ASTN2: variants seen among roughly 807,000 people sequenced by gnomAD.
The protein encoded by ASTN2 is astrotactin-2.
In ASTN2, 54 loss-of-function variants were observed where a neutral mutation model predicts 139.8. The observed-to-expected ratio is 0.39, with a 90% CI of 0.31 to 0.48. The LOEUF (loss-of-function observed/expected upper bound fraction) is 0.48, where lower values mean the gene tolerates loss of function less well. ASTN2 is among the 20% of genes least tolerant of loss of function. The probability of loss-of-function intolerance (pLI) is 0.95; values close to 1 mark genes in which losing one functional copy is unlikely to be tolerated. For missense variants in ASTN2, 1,565 were observed against 1,725.1 expected (o/e 0.91, Z 1.64); for synonymous variants, 756 against 719.5 (o/e 1.05, Z -0.81).
intron 3 of ASTN2, among the ~76,000 whole-genome samples, chr9:117,146,364 T>C (rs73657677): frequency 0.026 from 3,850 of 150,216 alleles, 159 homozygotes; most frequent in African/African-American, 0.084. Flanking sequence ...ATATAAGAGA[T>C]TGTCAAGCTT....
chr9:117,244,250 T>C (rs1318316573), intron 2 of ASTN2, among the ~76,000 whole-genome samples: 1 of 152,124 alleles, frequency 6.6e-6, no homozygotes, highest in Non-Finnish European at 1.5e-5. Flanking sequence ...GGTACTTTGT[T>C]ATAGCAGTGT....
At chr9:116,840,382 A>C (rs940475893) in intron 11 of ASTN2, among the ~76,000 whole-genome samples, 2 of 150,486 alleles carry the variant, frequency 1.3e-5, no homozygotes, top group African/African-American at 4.9e-5. Flanking sequence ...GTTCTCAATG[A>C]GCTGTTGGGT....
chr9:116,926,230 G>A (rs961798883), intron 10 of ASTN2, among the ~76,000 whole-genome samples: 7 of 152,098 alleles, frequency 4.6e-5, no homozygotes, highest in Non-Finnish European at 8.8e-5. Context: ...GCTTCCTGCT[G>A]TAACCTCTTT....
At chr9:117,203,014 G>A (rs1028464073) in intron 3 of ASTN2, among the ~76,000 whole-genome samples, 2 of 151,750 alleles carry the variant, frequency 1.3e-5, no homozygotes, top group South Asian at 2.1e-4. Context: ...ACCACATTTC[G>A]TGCAGGCTTT....
chr9:116,423,447 T>C lies in ASTN2; in HGVS notation c.*2404A>G, dbSNP rs1394003630. On this transcript the variant is annotated 3_prime_UTR_variant, in exon 23 of 23. Coordinates refer to ENST00000313400, the MANE Select transcript of ASTN2 (RefSeq NM_001365068.1). ...AGGCTCAGATCACCACACCAGCACATTGAGTGCTGTAATTTTCTGCAACTG... is the reference window on the plus strand; with the variant it reads ...AGGCTCAGATCACCACACCAGCACACTGAGTGCTGTAATTTTCTGCAACTG... Among the ~76,000 whole-genome samples the C allele has an allele frequency of 2.6e-5, 4 of 152,090 alleles. No individual in the cohort carries two copies. Among genetic ancestry groups the C allele is most frequent in the Admixed American group, 1.3e-4 (2 of 15,264 alleles).
At chr9:116,830,785 C>G (rs1247040397) in intron 11 of ASTN2, among the ~76,000 whole-genome samples, 1 of 130,556 alleles carries the variant, frequency 7.7e-6, no homozygotes, top group African/African-American at 3.1e-5. Context: ...GAGTGAGACC[C>G]TATGTCAAAA....
intron 12 of ASTN2, among the ~76,000 whole-genome samples, chr9:116,813,864 A>G (rs989877835): frequency 7.2e-5 from 11 of 151,932 alleles, no homozygotes; most frequent in African/African-American, 2.7e-4. Context: ...GCGAAACCCC[A>G]TCTCTACTAA....
intron 7 of ASTN2, among the ~76,000 whole-genome samples, chr9:116,982,450 A>G (rs1200275972): frequency 2.6e-5 from 4 of 152,222 alleles, no homozygotes; most frequent in African/African-American, 9.6e-5. Context: ...ATGTTGTTTT[A>G]GCAGAAAGGA....
chr9:117,368,235 TA>T (rs2130908462), intron 1 of ASTN2, among the ~76,000 whole-genome samples: 1 of 152,028 alleles, frequency 6.6e-6, no homozygotes, highest in Non-Finnish European at 1.5e-5. Flanking sequence ...TCTTATCAAA[TA>T]GGGGGGTTTT....
intron 19 of ASTN2, among the ~76,000 whole-genome samples, chr9:116,565,257 C>CACACAT (rs1050436372): frequency 6.5e-4 from 82 of 126,830 alleles, no homozygotes; most frequent in African/African-American, 2.9e-3. Flanking sequence ...CACACACACA[C>CACACAT]ATATGCCCCA....
At chr9:117,213,992 A>G (rs1236870084) in intron 3 of ASTN2, among the ~76,000 whole-genome samples, 1 of 152,184 alleles carries the variant, frequency 6.6e-6, no homozygotes, top group East Asian at 1.9e-4. Flanking sequence ...ACAGATTTCA[A>G]GTTGGTATAA....
At chr9:117,232,284 C>T (rs1832916535) in intron 2 of ASTN2, among the ~76,000 whole-genome samples, 1 of 152,148 alleles carries the variant, frequency 6.6e-6, no homozygotes, top group East Asian at 1.9e-4. Flanking sequence ...TTCTTTATAC[C>T]CCAGGTTTTG....
chr9:116,987,421 C>G (rs950777319), intron 7 of ASTN2, among the ~76,000 whole-genome samples: 3 of 152,200 alleles, frequency 2.0e-5, no homozygotes, highest in South Asian at 2.1e-4. Context: ...GCTCCAGACT[C>G]TCAGCCAGGG....
At chr9:116,839,881 AT>A (rs71502081) in intron 11 of ASTN2, among the ~76,000 whole-genome samples, 170 of 127,966 alleles carry the variant, frequency 1.3e-3, no homozygotes, top group East Asian at 5.1e-3. Flanking sequence ...TATTATTATT[AT>A]TTTTTTTTTT....
At chr9:116,893,006 T>C (rs576453666) in intron 10 of ASTN2, among the ~76,000 whole-genome samples, 14 of 152,228 alleles carry the variant, frequency 9.2e-5, no homozygotes, top group African/African-American at 3.4e-4. Context: ...CCTTCTCCAT[T>C]CTCCGGTACT....
chr9:117,020,064 A>C (rs1275187429), intron 6 of ASTN2, among the ~76,000 whole-genome samples: 9 of 150,502 alleles, frequency 6.0e-5, no homozygotes, highest in African/African-American at 2.2e-4. Flanking sequence ...GTGTGTAGCA[A>C]AAATTCTAGA....
chr9:117,062,056 G>A (rs547486059), intron 5 of ASTN2, among the ~76,000 whole-genome samples: 14 of 152,276 alleles, frequency 9.2e-5, no homozygotes, highest in African/African-American at 2.4e-4. Flanking sequence ...GGGATCTCAC[G>A]CAAGGTTTGA....
chr9:117,016,304 A>G (rs1837673471), intron 6 of ASTN2, among the ~76,000 whole-genome samples: 1 of 151,902 alleles, frequency 6.6e-6, no homozygotes, highest in African/African-American at 2.4e-5. Flanking sequence ...GGTGGGAGTG[A>G]GAGAAGTCAA....
At chr9:116,625,637 T>C (rs548043054) in intron 17 of ASTN2, among the ~76,000 whole-genome samples, 1 of 152,274 alleles carries the variant, frequency 6.6e-6, no homozygotes, top group African/African-American at 2.4e-5. Flanking sequence ...CCTCCACTGA[T>C]TCAACCTCCT....
Sources: allele counts gnomAD v4.1 joint callset (sites outside exome capture counted in the v4.1 genomes callset), GRCh38; gene constraint gnomAD v4.1.1; transcripts MANE v1.5; gene names NCBI Gene and HGNC (gene_info 2026-07-23, HGNC 2026-07-21).